ADAMTSL1: variants seen among roughly 807,000 people sequenced by gnomAD.
The protein encoded by ADAMTSL1 is ADAMTS-like protein 1.
In ADAMTSL1, 126 loss-of-function variants were observed where a neutral mutation model predicts 201.8. That is an observed-to-expected ratio of 0.62 (90% confidence interval 0.54 to 0.72). ADAMTSL1 has a LOEUF of 0.72. Among genes scored for constraint, ADAMTSL1 ranks in the 30% least tolerant of loss-of-function variants. ADAMTSL1 has a pLI of 0.00. For missense variants in ADAMTSL1, 2,679 were observed against 2,277.8 expected, an observed-to-expected ratio of 1.18 and a Z score of -3.59; for synonymous variants, 1,121 against 903.4, an observed-to-expected ratio of 1.24 and a Z score of -4.32.
At chr9:18,515,787 C>A (rs2131998253) in intron 2 of ADAMTSL1, among the ~76,000 whole-genome samples, 1 of 152,288 alleles carries the variant, frequency 6.6e-6, no homozygotes, top group East Asian at 1.9e-4. Flanking sequence ...GGTACATACA[C>A]AGTTGTCTAG....
intron 2 of ADAMTSL1, among the ~76,000 whole-genome samples, chr9:18,233,589 C>T (rs1304140376): frequency 6.6e-6 from 1 of 151,986 alleles, no homozygotes; most frequent in Non-Finnish European, 1.5e-5. Flanking sequence ...ACCTAGGAGC[C>T]TGTAAAATTG....
intron 1 of ADAMTSL1, among the ~76,000 whole-genome samples, chr9:18,031,670 T>C (rs984602573): frequency 6.6e-6 from 1 of 152,172 alleles, no homozygotes; most frequent in African/African-American, 2.4e-5. Context: ...ATTCCAGGGC[T>C]TTGGTGGAGC....
At chr9:17,997,960 A>T (rs60504802) in intron 1 of ADAMTSL1, among the ~76,000 whole-genome samples, 1,829 of 152,162 alleles carry the variant, frequency 0.012, 44 homozygotes, top group African/African-American at 0.042. Context: ...AATGGCTGGC[A>T]CCACTGTAGT....
At chr9:18,142,126 T>C (rs566667803) in intron 1 of ADAMTSL1, among the ~76,000 whole-genome samples, 1 of 152,318 alleles carries the variant, frequency 6.6e-6, no homozygotes, top group Admixed American at 6.5e-5. Context: ...ACAAGAGCTC[T>C]AGCAGTCCCC....
intron 15 of ADAMTSL1, among the ~76,000 whole-genome samples, chr9:18,746,744 T>G (rs1237951716): frequency 7.2e-6 from 1 of 139,216 alleles, no homozygotes; most frequent in African/African-American, 2.7e-5. Flanking sequence ...CCTTGGCAAC[T>G]CACATAATGA....
chr9:18,776,907 C>T lies in ADAMTSL1; in HGVS notation c.2678C>T (p.Thr893Met). Residue 893 changes from threonine to methionine, a missense_variant, in exon 19 of 29, where the codon ACG becomes ATG. Physicochemically the swap from Thr to Met is moderately conservative, Grantham distance 81. Coordinates refer to ENST00000380548, the MANE Select transcript of ADAMTSL1 (RefSeq NM_001040272.6). ...GGCTTCGCCTACCTGCTCCCCAAGACGGCGGTGGTGCTGCGCTGCCCGGCG... is the reference window on the plus strand; with the variant it reads ...GGCTTCGCCTACCTGCTCCCCAAGATGGCGGTGGTGCTGCGCTGCCCGGCG... ...VGGFAYLLPK[T>M]AVVLRCPARR... is the part of the protein sequence containing the mutation. The T allele has an allele frequency of 1.9e-6, 3 of 1,609,584 alleles. No individual in the cohort carries two copies. The highest frequency in any genetic ancestry group is 2.2e-5 in the South Asian group (2 of 90,288).
chr9:17,907,986 G>A (rs547122694), intron 1 of ADAMTSL1, among the ~76,000 whole-genome samples: 4 of 152,184 alleles, frequency 2.6e-5, no homozygotes, highest in South Asian at 2.1e-4. Flanking sequence ...CCAAATAGGG[G>A]GATTTCCTTC....
intron 2 of ADAMTSL1, among the ~76,000 whole-genome samples, chr9:18,300,209 C>G (rs955864087): frequency 2.6e-5 from 4 of 152,254 alleles, no homozygotes; most frequent in African/African-American, 9.6e-5. Flanking sequence ...TTGGAACCAA[C>G]CGAAATGTCC....
Position 17,909,905 on chromosome 9 carries a change from G to T in ADAMTSL1, c.87+2983G>T, listed in dbSNP as rs199514710. The stretch of plus-strand genomic sequence containing the variant: ...TAGATGAGGAGTTAGTGGGTGCAGC[G>T]CACCAGCATGGCACATGTATACATA... On this transcript the variant is annotated intron_variant, in intron 1 of 29. Transcript: ENST00000680146. Among the ~76,000 whole-genome samples the T allele has an allele frequency of 6.1e-5, 4 of 65,832 alleles. 1 individual carries two copies. Among genetic ancestry groups the T allele is most frequent in the African/African-American group, 6.1e-5 (2 of 32,676 alleles). The allele number at this position is 65,832 out of a possible 152,430, so 43.2% of individuals were successfully genotyped here. A position where few individuals can be genotyped will look rare whatever the true frequency, so the allele number is the denominator to read the frequency against.
At chr9:18,013,973 G>A (rs944147847) in intron 1 of ADAMTSL1, among the ~76,000 whole-genome samples, 4 of 152,012 alleles carry the variant, frequency 2.6e-5, no homozygotes, top group South Asian at 2.1e-4. Flanking sequence ...AGTTCCTTAA[G>A]CTTTTGAAAT....
At chr9:17,994,878 A>G (rs1332333289) in intron 1 of ADAMTSL1, among the ~76,000 whole-genome samples, 3 of 152,228 alleles carry the variant, frequency 2.0e-5, no homozygotes, top group Admixed American at 1.3e-4. Flanking sequence ...TTGAGAGATT[A>G]CACAATTAAA....
intron 20 of ADAMTSL1, among the ~76,000 whole-genome samples, chr9:18,796,956 C>T (rs1395210403): frequency 6.6e-6 from 1 of 152,172 alleles, no homozygotes; most frequent in Admixed American, 6.5e-5. Flanking sequence ...AGATATGGTT[C>T]AGCTCTATCA....
intron 9 of ADAMTSL1, among the ~76,000 whole-genome samples, chr9:18,672,233 A>C (rs1393025869): frequency 6.6e-6 from 1 of 151,394 alleles, no homozygotes; most frequent in African/African-American, 2.4e-5. Flanking sequence ...GTAGCATCTT[A>C]GATCACTTCT....
chr9:18,769,224 C>T (rs1820541560), intron 16 of ADAMTSL1, among the ~76,000 whole-genome samples: 1 of 152,194 alleles, frequency 6.6e-6, no homozygotes, highest in East Asian at 1.9e-4. Flanking sequence ...CTGAGTACAA[C>T]TTACTAAACA....
chr9:18,528,058 A>G (rs1010309311), intron 2 of ADAMTSL1, among the ~76,000 whole-genome samples: 1 of 151,968 alleles, frequency 6.6e-6, no homozygotes, highest in Non-Finnish European at 1.5e-5. Flanking sequence ...TTGTATTTTT[A>G]TTAGAGACGG....
intron 15 of ADAMTSL1, among the ~76,000 whole-genome samples, chr9:18,726,546 C>G (rs549861390): frequency 6.6e-6 from 1 of 151,964 alleles, no homozygotes; most frequent in South Asian, 2.1e-4. Flanking sequence ...AACTATCTCC[C>G]TGGTTTACAA....
intron 2 of ADAMTSL1, among the ~76,000 whole-genome samples, chr9:18,212,926 C>G (rs948286079): frequency 6.6e-6 from 1 of 152,042 alleles, no homozygotes; most frequent in African/African-American, 2.4e-5. Flanking sequence ...TTAATTTTAC[C>G]TTTTGAATAG....
intron 1 of ADAMTSL1, among the ~76,000 whole-genome samples, chr9:17,968,365 T>C (rs1476378104): frequency 4.6e-5 from 7 of 152,108 alleles, no homozygotes; most frequent in Non-Finnish European, 1.0e-4. Flanking sequence ...ACTGAGGGAA[T>C]AGTATGAGAA....
intron 1 of ADAMTSL1, among the ~76,000 whole-genome samples, chr9:17,924,015 G>T (rs1200087679): frequency 3.0e-5 from 4 of 133,508 alleles, no homozygotes; most frequent in African/African-American, 1.1e-4. Context: ...TGTGCTGCTG[G>T]ATTCGGTTTG....
Sources: allele counts gnomAD v4.1 joint callset (sites outside exome capture counted in the v4.1 genomes callset), GRCh38; gene constraint gnomAD v4.1.1; transcripts MANE v1.5; gene names NCBI Gene and HGNC (gene_info 2026-07-23, HGNC 2026-07-21).